STRBP: variants seen among roughly 807,000 people sequenced by gnomAD.
The protein encoded by STRBP is spermatid perinuclear RNA binding protein, also known as spermatid perinuclear RNA-binding protein.
In STRBP, 13 loss-of-function variants were observed where a neutral mutation model predicts 80.1. That is an observed-to-expected ratio of 0.16 (90% CI 0.11 to 0.26). The LOEUF is 0.26. Ranked by LOEUF, STRBP falls within the 10% of genes least tolerant of loss-of-function variation. The probability of loss-of-function intolerance (pLI) is 1.00; values close to 1 mark genes in which losing one functional copy is unlikely to be tolerated. For missense variants in STRBP, 485 were observed against 815.2 expected (o/e 0.59, Z 4.93); for synonymous variants, 284 against 291.2 (o/e 0.98, Z 0.25).
At chr9:123,151,608 AAAAG>A (rs1344717591) in intron 11 of STRBP, among the ~76,000 whole-genome samples, 1 of 152,214 alleles carries the variant, frequency 6.6e-6, no homozygotes, top group Non-Finnish European at 1.5e-5. Context: ...AATTAGGAAT[AAAAG>A]AAAGTAAAAA....
intron 2 of STRBP, among the ~76,000 whole-genome samples, chr9:123,211,630 T>C (rs1410895560): frequency 1.3e-5 from 2 of 152,220 alleles, no homozygotes; most frequent in Admixed American, 1.3e-4. Flanking sequence ...CAGCCTATAT[T>C]AAATTTTTAC....
chr9:123,229,545 T>C (rs2040340823), intron 2 of STRBP, among the ~76,000 whole-genome samples: 1 of 152,150 alleles, frequency 6.6e-6, no homozygotes, highest in African/African-American at 2.4e-5. Flanking sequence ...GAAAACAAAA[T>C]ATTGATGATG....
chr9:123,183,287 T>A (rs2038563964), intron 3 of STRBP, among the ~76,000 whole-genome samples: 1 of 151,704 alleles, frequency 6.6e-6, no homozygotes, highest in South Asian at 2.1e-4. Flanking sequence ...ATAAAAAAAA[T>A]TAGCTGGGTA....
intron 16 of STRBP, among the ~76,000 whole-genome samples, chr9:123,134,365 T>A (rs931004404): frequency 6.6e-6 from 1 of 152,216 alleles, no homozygotes; most frequent in Non-Finnish European, 1.5e-5. Context: ...TCCTTTATTC[T>A]TTCCAGGATA....
intron 4 of STRBP, among the ~76,000 whole-genome samples, chr9:123,174,938 C>T (rs1386389197): frequency 6.6e-6 from 1 of 152,088 alleles, no homozygotes; most frequent in Non-Finnish European, 1.5e-5. Flanking sequence ...GTATGGCAAA[C>T]ATATTTACAG....
At chr9:123,144,697 T>C (rs1033138059) in intron 13 of STRBP, among the ~76,000 whole-genome samples, 5 of 152,160 alleles carry the variant, frequency 3.3e-5, no homozygotes, top group Non-Finnish European at 7.4e-5. Context: ...TATACATTTA[T>C]AATAAGATTT....
chr9:123,111,837 G>C (rs561503285), intron 3 of STRBP: 5 of 254,620 alleles, frequency 2.0e-5, no homozygotes, highest in African/African-American at 1.2e-4. Context: ...ATGTCCATAA[G>C]AGAGAAGACC....
intron 2 of STRBP, among the ~76,000 whole-genome samples, chr9:123,230,986 G>A (rs905215490): frequency 2.0e-5 from 3 of 152,184 alleles, no homozygotes; most frequent in Non-Finnish European, 2.9e-5. Flanking sequence ...GCAGAACTCT[G>A]TCAGTAACAG....
chr9:123,198,014 GTA>G (rs1359544086), intron 2 of STRBP, among the ~76,000 whole-genome samples: 1 of 152,036 alleles, frequency 6.6e-6, no homozygotes, highest in African/African-American at 2.4e-5. Context: ...GAGTAGGGTG[GTA>G]TCTCACTGTG....
intron 1 of STRBP, among the ~76,000 whole-genome samples, chr9:123,254,290 T>C (rs2040976715): frequency 6.6e-6 from 1 of 151,588 alleles, no homozygotes; most frequent in Non-Finnish European, 1.5e-5. Flanking sequence ...TAAAACCCCA[T>C]CTCTACTAAA....
chr9:123,135,790 T>G (rs531848421), intron 16 of STRBP: 1 of 278,310 alleles, frequency 3.6e-6, no homozygotes, highest in East Asian at 7.2e-5. Context: ...CTCCAAATAA[T>G]GCTAATAGCC....
At chr9:123,244,485 T>C (rs1404116319) in intron 1 of STRBP, among the ~76,000 whole-genome samples, 5 of 152,330 alleles carry the variant, frequency 3.3e-5, no homozygotes, top group African/African-American at 9.6e-5. Context: ...TACTGCATTA[T>C]TGTTCAACAA....
intron 11 of STRBP, among the ~76,000 whole-genome samples, chr9:123,150,063 A>C (rs2036988235): frequency 6.6e-6 from 1 of 152,240 alleles, no homozygotes; most frequent in Non-Finnish European, 1.5e-5. Flanking sequence ...AAGACCTGAG[A>C]AAGTAAAACA....
At chr9:123,134,552 A>G (rs1418936562) in intron 16 of STRBP, among the ~76,000 whole-genome samples, 1 of 152,220 alleles carries the variant, frequency 6.6e-6, no homozygotes, top group East Asian at 1.9e-4. Flanking sequence ...CATTGAACAC[A>G]TGAGTTTTAT....
intron 5 of STRBP, among the ~76,000 whole-genome samples, chr9:123,171,575 T>C (rs1387905229): frequency 2.0e-5 from 3 of 152,182 alleles, no homozygotes; most frequent in African/African-American, 7.2e-5. Context: ...CTTGCACACA[T>C]GTGTATATAT....
intron 2 of STRBP, among the ~76,000 whole-genome samples, chr9:123,222,773 C>T (rs2040106933): frequency 6.6e-6 from 1 of 152,046 alleles, no homozygotes; most frequent in Non-Finnish European, 1.5e-5. Flanking sequence ...GGCACCAAAC[C>T]CAGATAGTTT....
Position 123,181,002 on chromosome 9 carries a change from G to A in STRBP, c.4-1775C>T, listed in dbSNP as rs889930617. Reference sequence around the variant, plus strand: ...TATGTTTAAAAATCACATTATTTTTGGATAACAGTAAATTAACACTATAGT... The same window carrying A: ...TATGTTTAAAAATCACATTATTTTTAGATAACAGTAAATTAACACTATAGT... On this transcript the variant is annotated intron_variant, in intron 3 of 18. Coordinates refer to ENST00000348403, the MANE Select transcript of STRBP (RefSeq NM_018387.5). 6.8e-6 allele frequency: 6 copies of A among 885,958 alleles called. No individual in the cohort carries two copies. The African/African-American group carries it at 1.1e-4, about 16-fold the overall frequency. The allele number at this position is 885,958 out of a possible 1,614,324, so 54.9% of individuals were successfully genotyped here.
At chr9:123,240,258 C>T (rs2040663858) in intron 1 of STRBP, among the ~76,000 whole-genome samples, 1 of 151,840 alleles carries the variant, frequency 6.6e-6, no homozygotes, top group African/African-American at 2.4e-5. Flanking sequence ...AGTTACTCAA[C>T]CACTTAATAT....
intron 2 of STRBP, among the ~76,000 whole-genome samples, chr9:123,226,653 A>AT (rs2040245087): frequency 1.3e-5 from 2 of 152,202 alleles, no homozygotes; most frequent in Non-Finnish European, 2.9e-5. Context: ...TTCCACAAAT[A>AT]TATCTTGAAT....
Sources: gnomAD v4.1 joint callset for allele counts (sites outside exome capture counted in the v4.1 genomes callset) on GRCh38, gnomAD v4.1.1 for gene constraint, MANE v1.5 for transcripts, NCBI Gene and HGNC (gene_info 2026-07-23, HGNC 2026-07-21) for gene names.